Variants in PRMT1 observed in about 807,000 individuals in gnomAD.
PRMT1 encodes the protein protein arginine N-methyltransferase 1.
In PRMT1, 5 loss-of-function variants were observed where a neutral mutation model predicts 47.4. The ratio of observed to expected loss-of-function variants is 0.11; its 90% confidence interval spans 0.06 to 0.22. The LOEUF (loss-of-function observed/expected upper bound fraction) is 0.22. Among genes scored for constraint, PRMT1 ranks in the 10% least tolerant of loss-of-function variants. The probability of loss-of-function intolerance (pLI) is 1.00; values close to 1 mark genes in which losing one functional copy is unlikely to be tolerated. For missense variants in PRMT1, 249 were observed against 518.4 expected (o/e 0.48, Z 5.05); for synonymous variants, 227 against 204.6 (o/e 1.11, Z -0.94).
chr19:49,680,170 AT>A lies in PRMT1; in HGVS notation c.90+249del. The A allele has an allele frequency of 1.9e-6, 3 of 1,555,972 alleles. No individual in the cohort carries two copies. The highest frequency in any genetic ancestry group is 1.7e-6 in the Non-Finnish European group (2 of 1,144,124). Reference sequence around the variant, plus strand: ...TTTGCCCTTCCCTGTGTCTGCCCCCATTTTCCTTCCCCTCCCCTCCCCAGCT... The same window carrying A: ...TTTGCCCTTCCCTGTGTCTGCCCCCATTTCCTTCCCCTCCCCTCCCCAGCT... On this transcript the variant is annotated intron_variant, in intron 2 of 10. Transcript: ENST00000454376. The surrounding 1 kb of genome is among the most constrained non-coding windows in gnomAD (Gnocchi z 4.2).
In PRMT1 at chr19:49,684,940, G is replaced by A; in HGVS notation, c.662G>A (p.Gly221Asp). 6.2e-7 allele frequency: 1 copy of A among 1,600,668 alleles called. No homozygotes were observed. Among genetic ancestry groups the A allele is most frequent in the Non-Finnish European group, 8.5e-7 (1 of 1,170,912 alleles). ...YKIHWWENVYGFDMSCIKDVA... is the reference protein window; with the variant it reads ...YKIHWWENVYDFDMSCIKDVA... Reference sequence around the variant, plus strand: ...TCCCCAGGGTGGGAGAACGTGTATGGCTTCGACATGTCTTGCATCAAAGAT... The same window carrying A: ...TCCCCAGGGTGGGAGAACGTGTATGACTTCGACATGTCTTGCATCAAAGAT... The change falls in exon 8 of 11, where the codon GGC becomes GAC. Residue 221 changes from glycine (G) to aspartate (D), a missense_variant. Coordinates refer to ENST00000454376, the MANE Select transcript of PRMT1 (RefSeq NM_001536.6). This position sits in a 1 kb window ranked among gnomAD's most constrained non-coding sequence, Gnocchi z 6.2.
In PRMT1 at chr19:49,681,881, ACGGCGTCT is replaced by A. The variant is rs777594676; in HGVS notation, c.193-27_193-20del. The A allele has an allele frequency of 1.3e-6, 2 of 1,597,056 alleles. No homozygotes were observed. Among genetic ancestry groups the A allele is most frequent in the African/African-American group, 2.7e-5 (2 of 74,798 alleles). Reference sequence around the variant, plus strand: ...TCCAGCTGGGGATATGGGGCCCCTCACGGCGTCTCTGTGCCATTCTTGCCCTAGGAGAT... The same window carrying A: ...TCCAGCTGGGGATATGGGGCCCCTCACTGTGCCATTCTTGCCCTAGGAGAT... On this transcript the variant is annotated intron_variant, in intron 3 of 10. Transcript: ENST00000454376. The surrounding 1 kb of genome is among the most constrained non-coding windows in gnomAD (Gnocchi z 4.4).
intron 1 of PRMT1, 46 bp downstream of exon 1, chr19:49,677,362 G>T (rs755870696): frequency 6.6e-6 from 9 of 1,358,326 alleles, no homozygotes; most frequent in Non-Finnish European, 8.6e-6. Flanking sequence ...GCTTTGGGTC[G>T]GTGTTTCACG....
At position 49,680,287 on chromosome 19, in the gene PRMT1, G is replaced by T. The variant is rs1241150765; in HGVS notation, c.91-200G>T. 6.8e-7 allele frequency: 1 copy of T among 1,472,996 alleles called. No homozygotes were observed. Among genetic ancestry groups the T allele is most frequent in the Admixed American group, 1.7e-5 (1 of 58,850 alleles). 91.2% of individuals were successfully genotyped at this position (1,472,996 alleles called of 1,614,324 possible). ...GTGCTCCCCTGGATGGTGCTCTGGG[G>T]GGGTCCTGGAAGTGGAAAATGGGGT... On this transcript the variant is annotated intron_variant, in intron 2 of 10. Coordinates refer to ENST00000454376, the MANE Select transcript of PRMT1 (RefSeq NM_001536.6). This position sits in a 1 kb window ranked among gnomAD's most constrained non-coding sequence, Gnocchi z 4.2.
Position 49,684,598 on chromosome 19 carries a change from T to C in PRMT1, c.556-156T>C, listed in dbSNP as rs571327060. On this transcript the variant is annotated intron_variant, in intron 6 of 10. Transcript: ENST00000454376. The surrounding 1 kb of genome is among the most constrained non-coding windows in gnomAD (Gnocchi z 6.2). Reference sequence around the variant, plus strand: ...GACTGGGGTGCCCCTGGGTGCCCTCTGGCGGCCGTGTGGGAAATAGACCAG... The same window carrying C: ...GACTGGGGTGCCCCTGGGTGCCCTCCGGCGGCCGTGTGGGAAATAGACCAG... Among the ~76,000 whole-genome samples the C allele has an allele frequency of 1.6e-3, 246 of 152,180 alleles. 2 individuals are homozygous for C. The highest frequency in any genetic ancestry group is 5.5e-3 in the African/African-American group (229 of 41,536).
At chr19:49,686,335 G>A (rs548136336) in intron 9 of PRMT1, 92 bp downstream of exon 9, 25 of 1,454,266 alleles carry the variant, frequency 1.7e-5, no homozygotes, top group Non-Finnish European at 2.3e-5. Flanking sequence ...CGGGCAGAAG[G>A]AACCATGGGG....
In PRMT1 at chr19:49,683,847, C is replaced by G. The variant is rs1246795537; in HGVS notation, c.413-80C>G. 3.9e-6 allele frequency: 6 copies of G among 1,534,976 alleles called. No homozygotes were observed. In the Admixed American group the frequency reaches 5.9e-5, roughly 15 times the overall value. Reference sequence around the variant, plus strand: ...AGTTCTCTGAACTGAAGTGGGGTCCCCAGGCTCTAGCCCCCGGGGGAGGTG... The same window carrying G: ...AGTTCTCTGAACTGAAGTGGGGTCCGCAGGCTCTAGCCCCCGGGGGAGGTG... On this transcript the variant is annotated intron_variant, in intron 5 of 10. Coordinates refer to ENST00000454376, the MANE Select transcript of PRMT1 (RefSeq NM_001536.6).
rs1167445950 is a variant in PRMT1, at chr19:49,684,284, T to C, written c.555+215T>C. On this transcript the variant is annotated intron_variant, in intron 6 of 10. Transcript: ENST00000454376. This position sits in a 1 kb window ranked among gnomAD's most constrained non-coding sequence, Gnocchi z 6.2. Reference sequence around the variant, plus strand: ...GAACAGGAAATCCGTAGCGGCGCAATAGCCCAGGTCCTTAGGCCCCAGCAG... The same window carrying C: ...GAACAGGAAATCCGTAGCGGCGCAACAGCCCAGGTCCTTAGGCCCCAGCAG... Among the ~76,000 whole-genome samples the C allele has an allele frequency of 2.6e-5, 4 of 151,668 alleles. No homozygotes were observed. Among genetic ancestry groups the C allele is most frequent in the Non-Finnish European group, 4.4e-5 (3 of 67,934 alleles).
chr19:49,685,866 T>G lies in PRMT1; in HGVS notation c.760-227T>G. On this transcript the variant is annotated intron_variant, in intron 8 of 10. Coordinates refer to ENST00000454376, the MANE Select transcript of PRMT1 (RefSeq NM_001536.6). The surrounding 1 kb of genome is among the most constrained non-coding windows in gnomAD (Gnocchi z 4.7). The stretch of plus-strand genomic sequence containing the variant: ...TTAGGGTGGCACTGCCAGGTTTGGG[T>G]GTTGGAGAGGAGGGAGCAAGGAATC... The G allele has an allele frequency of 2.9e-6, 4 of 1,378,678 alleles. No homozygotes were observed. Among genetic ancestry groups the G allele is most frequent in the South Asian group, 1.6e-5 (1 of 62,000 alleles). The allele number at this position is 1,378,678 out of a possible 1,614,324, so 85.4% of individuals were successfully genotyped here.
At chr19:49,677,839 C>A (rs926180604) in intron 1 of PRMT1, among the ~76,000 whole-genome samples, 2 of 152,112 alleles carry the variant, frequency 1.3e-5, no homozygotes, top group African/African-American at 4.8e-5. Context: ...CTTTACCAAC[C>A]TCCTTCCGAG....
chr19:49,684,450 G>A lies in PRMT1; in HGVS notation c.556-304G>A, dbSNP rs2082173733. Among the ~76,000 whole-genome samples the A allele has an allele frequency of 6.6e-6, 1 of 152,148 alleles. No homozygotes were observed. The highest frequency in any genetic ancestry group is 1.5e-5 in the Non-Finnish European group (1 of 68,006). On this transcript the variant is annotated intron_variant, in intron 6 of 10. Transcript: ENST00000454376. The surrounding 1 kb of genome is among the most constrained non-coding windows in gnomAD (Gnocchi z 6.2). The stretch of plus-strand genomic sequence containing the variant: ...GTCTAGAACGGCAGCAGGAGGAGGA[G>A]TGGAGGTGAGGGGTGACAGGGCGTG...
chr19:49,677,030 T>C, upstream of PRMT1: 2 of 392,958 alleles, frequency 5.1e-6, no homozygotes, highest in Non-Finnish European at 9.0e-6. Context: ...CGGGCAGTTT[T>C]CCCCATCCCG....
In PRMT1 at chr19:49,688,341, G is replaced by T; in HGVS notation, c.*96G>T. 10 of 1,201,608 alleles carry T rather than the reference G, an allele frequency of 8.3e-6. No homozygotes were observed. Among genetic ancestry groups the T allele is most frequent in the Non-Finnish European group, 9.8e-6 (8 of 818,610 alleles). The allele number at this position is 1,201,608 out of a possible 1,614,324, so 74.4% of individuals were successfully genotyped here. A position where few individuals can be genotyped will look rare whatever the true frequency, so the allele number is the denominator to read the frequency against. On this transcript the variant is annotated 3_prime_UTR_variant, in exon 11 of 11. Coordinates refer to ENST00000454376, the MANE Select transcript of PRMT1 (RefSeq NM_001536.6). The surrounding 1 kb of genome is among the most constrained non-coding windows in gnomAD (Gnocchi z 5.3). Reference sequence around the variant, plus strand: ...CTCTCCCTCCCTCCCGCAGAAGGGGGTTTTAGGGGCCTGGGCTGGGGGGAT... The same window carrying T: ...CTCTCCCTCCCTCCCGCAGAAGGGGTTTTTAGGGGCCTGGGCTGGGGGGAT...
At chr19:49,679,586 TG>T in intron 1 of PRMT1, 1 of 684,264 alleles carries the variant, frequency 1.5e-6, no homozygotes, top group South Asian at 1.5e-5. Context: ...CTGGCCTGGA[TG>T]GGGGAGGTGT....
At chr19:49,676,307 C>G (rs1022832803), upstream of PRMT1, 4 of 152,270 alleles carry the variant, frequency 2.6e-5, no homozygotes, top group African/African-American at 9.7e-5. Context: ...GGGCAGGACC[C>G]ACGCATTCGG....
rs1218383890 is a variant in PRMT1 at position 49,681,595 on chromosome 19, G to A, written c.193-315G>A. ...TGTATGAAAAATACAAAAATTAGCC[G>A]GGCATGGTGGTGTGCACCTATAATC... On this transcript the variant is annotated intron_variant, in intron 3 of 10. Coordinates refer to ENST00000454376, the MANE Select transcript of PRMT1 (RefSeq NM_001536.6). This position sits in a 1 kb window ranked among gnomAD's most constrained non-coding sequence, Gnocchi z 4.4. 2.0e-5 allele frequency among the ~76,000 whole-genome samples: 3 copies of A among 151,934 alleles called. No individual in the cohort carries two copies. Among genetic ancestry groups the A allele is most frequent in the Non-Finnish European group, 1.5e-5 (1 of 67,992 alleles).
At position 49,682,040 on chromosome 19, in the gene PRMT1, A is replaced by C; in HGVS notation, c.323A>C (p.Lys108Thr). Reference sequence around the variant, plus strand: ...GGCATCCTCTGCATGTTTGCTGCCAAGGCCGGGGCCCGCAAGGTCATCGGG... The same window carrying C: ...GGCATCCTCTGCATGTTTGCTGCCACGGCCGGGGCCCGCAAGGTCATCGGG... The part of the protein sequence containing the change: ...GTGILCMFAA[K>T]AGARKVIGIE... The change falls in exon 4 of 11, where the codon AAG (lysine) becomes ACG (threonine). Residue 108 changes from lysine (K) to threonine (T), a missense_variant. Physicochemically the swap from Lys to Thr is moderately conservative, Grantham distance 78. This residue lies in a region of PRMT1 where 190 missense variants were observed against 456.7 expected (regional missense o/e 0.42). Transcript: ENST00000454376. 6.2e-7 allele frequency: 1 copy of C among 1,614,158 alleles called. No homozygotes were observed. The highest frequency in any genetic ancestry group is 8.5e-7 in the Non-Finnish European group (1 of 1,180,026).
rs544347181 is a variant in PRMT1 at position 49,686,544 on chromosome 19, C to T, written c.911-61C>T. The T allele has an allele frequency of 7.9e-5, 107 of 1,357,296 alleles. No homozygotes were observed. The South Asian group carries it at 9.2e-4, about 12-fold the overall frequency. 84.1% of individuals were successfully genotyped at this position (1,357,296 alleles called of 1,614,324 possible). On this transcript the variant is annotated intron_variant, in intron 9 of 10. Transcript: ENST00000454376. ...GGGGTGGGCATTCCGACAGAGGGAACGCAAGGGTGGGGTTGGGGGGGGCAG... is the reference window on the plus strand; with the variant it reads ...GGGGTGGGCATTCCGACAGAGGGAATGCAAGGGTGGGGTTGGGGGGGGCAG...
At position 49,685,784 on chromosome 19, in the gene PRMT1, A is replaced by G. The variant is rs778280634; in HGVS notation, c.760-309A>G. On this transcript the variant is annotated intron_variant, in intron 8 of 10. Coordinates refer to ENST00000454376, the MANE Select transcript of PRMT1 (RefSeq NM_001536.6). This position sits in a 1 kb window ranked among gnomAD's most constrained non-coding sequence, Gnocchi z 4.7. ...AAGCCATCATGTTGTTGGACTTGTC[A>G]AGGGGTTGGGGAGACAGTGGAGTGG... 1.8e-5 allele frequency: 21 copies of G among 1,174,840 alleles called. No homozygotes were observed. Among genetic ancestry groups the G allele is most frequent in the Non-Finnish European group, 2.1e-5 (20 of 946,662 alleles). 72.8% of individuals were successfully genotyped at this position (1,174,840 alleles called of 1,614,324 possible).
Sources: gnomAD v4.1 joint callset for allele counts (sites outside exome capture counted in the v4.1 genomes callset) on GRCh38, gnomAD v4.1.1 for gene constraint, gnomAD v4.1.1 regional missense constraint, Gnocchi (gnomAD v3.1) non-coding constraint, MANE v1.5 for transcripts, NCBI Gene and HGNC (gene_info 2026-07-23, HGNC 2026-07-21) for gene names.